CHST1: variants seen among roughly 807,000 people sequenced by gnomAD.
The protein encoded by CHST1 is carbohydrate sulfotransferase 1.
A neutral mutation model predicts 22.5 loss-of-function variants in CHST1; 10 were observed. That is an observed-to-expected ratio of 0.44 (90% CI 0.27 to 0.75). CHST1 has a LOEUF of 0.75. CHST1 is among the 30% of genes least tolerant of loss of function. CHST1 has a pLI of 0.15. For synonymous variants in CHST1, 267 were observed against 264.5 expected (o/e 1.01, Z -0.09); for missense variants, 439 against 576.1 (o/e 0.76, Z 2.44).
At chr11:45,651,402 T>C (rs1219325688) in intron 3 of CHST1, 1 of 153,890 alleles carries the variant, frequency 6.5e-6, no homozygotes, top group Non-Finnish European at 1.4e-5. Context: ...CCTCTGCCCA[T>C]CCCTAGGGGA....
At position 45,661,472 on chromosome 11, in the gene CHST1, T is replaced by C. The variant is rs191003266; in HGVS notation, c.-227+3706A>G. On this transcript the variant is annotated intron_variant, in intron 1 of 3. Coordinates refer to ENST00000308064, the MANE Select transcript of CHST1 (RefSeq NM_003654.6). ...GAGAGACCTGCCGGGGGTAGAACCT[T>C]GGCAGGAACCGGAGAGCTGGCAAGG... Among the ~76,000 whole-genome samples the C allele has an allele frequency of 9.8e-5, 15 of 152,310 alleles. No individual in the cohort carries two copies. In the East Asian group the frequency reaches 2.3e-3, roughly 23 times the overall value.
intron 1 of CHST1, among the ~76,000 whole-genome samples, chr11:45,658,582 G>T (rs113338633): frequency 8.4e-4 from 128 of 152,214 alleles, no homozygotes; most frequent in African/African-American, 2.9e-3. Context: ...GTGGTCCCAG[G>T]CCCGACCTGA....
At chr11:45,655,633 G>A (rs970432178) in intron 1 of CHST1, among the ~76,000 whole-genome samples, 18 of 152,234 alleles carry the variant, frequency 1.2e-4, no homozygotes, top group Non-Finnish European at 2.6e-4. Flanking sequence ...GCCGCACCGG[G>A]AGAGCCCAGC....
intron 1 of CHST1, among the ~76,000 whole-genome samples, chr11:45,662,177 G>A (rs897636059): frequency 3.3e-5 from 5 of 152,208 alleles, no homozygotes; most frequent in Admixed American, 2.0e-4. Flanking sequence ...ATCAGGGACA[G>A]TGGCCTGCCC....
In CHST1 at chr11:45,649,943, G is replaced by T. The variant is rs1187230633; in HGVS notation, c.981C>A (p.His327Gln). The T allele has an allele frequency of 1.2e-6, 2 of 1,613,358 alleles. No homozygotes were observed. The highest frequency in any genetic ancestry group is 1.7e-6 in the Non-Finnish European group (2 of 1,180,022). The change falls in exon 4 of 4, where the codon CAC becomes CAA. Residue 327 changes from histidine to glutamine, a missense_variant. His to Gln is a conservative substitution (Grantham distance 24, BLOSUM62 0). Coordinates refer to ENST00000308064, the MANE Select transcript of CHST1 (RefSeq NM_003654.6). The stretch of plus-strand genomic sequence containing the variant: ...TGTTGTTCTGGATCCAGCGGGCCAC[G>T]TGGCTGTCCAGCGGGATGCCCAGGA... Reference protein sequence around the residue: ...YGFLGIPLDSHVARWIQNNTR... With the variant: ...YGFLGIPLDSQVARWIQNNTR...
Position 45,648,338 on chromosome 11 carries a change from C to G in CHST1, c.*1350G>C, listed in dbSNP as rs1851942649. ...AGCAAGCCATACCACTTGTTAAAGACTTTGAACATTATCCCTGGCTATAAG... is the reference window on the plus strand; with the variant it reads ...AGCAAGCCATACCACTTGTTAAAGAGTTTGAACATTATCCCTGGCTATAAG... On this transcript the variant is annotated 3_prime_UTR_variant, in exon 4 of 4. Coordinates refer to ENST00000308064, the MANE Select transcript of CHST1 (RefSeq NM_003654.6). 6.6e-6 allele frequency among the ~76,000 whole-genome samples: 1 copy of G among 150,980 alleles called. No individual in the cohort carries two copies. Among genetic ancestry groups the G allele is most frequent in the Non-Finnish European group, 1.5e-5 (1 of 67,788 alleles).
In CHST1 at chr11:45,650,350, C is replaced by T. The variant is rs147129669; in HGVS notation, c.574G>A (p.Val192Met). The T allele has an allele frequency of 3.1e-6, 5 of 1,603,370 alleles. No homozygotes were observed. Among genetic ancestry groups the T allele is most frequent in the Admixed American group, 1.7e-5 (1 of 59,994 alleles). The change falls in exon 4 of 4, where the codon GTG (valine) becomes ATG (methionine). Residue 192 changes from valine (V) to methionine (M), a missense_variant. Physicochemically the swap from Val to Met is conservative, Grantham distance 21. Coordinates refer to ENST00000308064, the MANE Select transcript of CHST1 (RefSeq NM_003654.6). ...VRKCGLLNLT[V>M]AAEACRERSH... The stretch of plus-strand genomic sequence containing the variant: ...CGCTCGCGGCACGCCTCGGCCGCCA[C>T]GGTCAGGTTGAGTAGCCCGCACTTG...
At position 45,659,158 on chromosome 11, in the gene CHST1, C is replaced by G. The variant is rs530524864; in HGVS notation, c.-227+6020G>C. Among the ~76,000 whole-genome samples the G allele has an allele frequency of 5.0e-4, 76 of 152,302 alleles. No individual in the cohort carries two copies. In the Middle Eastern group the frequency reaches 0.02, roughly 41 times the overall value. The stretch of plus-strand genomic sequence containing the variant: ...CTGTCAGGGGATGCATCCCACAGGC[C>G]AGGGGCTACTGCCACCTTTCACAGA... On this transcript the variant is annotated intron_variant, in intron 1 of 3. Transcript: ENST00000308064.
At chr11:45,656,899 G>C (rs901658696) in intron 1 of CHST1, among the ~76,000 whole-genome samples, 1 of 152,190 alleles carries the variant, frequency 6.6e-6, no homozygotes, top group African/African-American at 2.4e-5. Flanking sequence ...CTGGATTTCA[G>C]AGGGGGCCTG....
At position 45,649,832 on chromosome 11, in the gene CHST1, G is replaced by A. The variant is rs1014807759; in HGVS notation, c.1092C>T (p.Leu364=). 6.2e-7 allele frequency: 1 copy of A among 1,611,438 alleles called. No homozygotes were observed. ...GGGCAAAGGCCACGATGTCGTAGGA[G>A]AGGCGGAAGCGCCACTTCTCGGCCG... is the stretch of plus-strand genomic sequence containing the variant. ...AATAEKWRFR[L]SYDIVAFAQN... is the part of the protein sequence containing the mutation. Residue 364 remains leucine (L), a synonymous_variant, in exon 4 of 4, where the codon CTC becomes CTT. Transcript: ENST00000308064.
Position 45,665,379 on chromosome 11 carries a change from C to G in CHST1, c.-428G>C, listed in dbSNP as rs1291954668. ...CGCGCGCGCCTCACGGGCCCCTCTT[C>G]ATGGCCCGGGGGCGCGAGCCCGGGG... is the stretch of plus-strand genomic sequence containing the variant. On this transcript the variant is annotated 5_prime_UTR_variant, in exon 1 of 4. It removes an upstream start codon present in the reference 5' UTR. Transcript: ENST00000308064. The surrounding 1 kb of genome is among the most constrained non-coding windows in gnomAD (Gnocchi z 4.0). 1 of 151,732 alleles carries G rather than the reference C, an allele frequency of 6.6e-6. No homozygotes were observed. The highest frequency in any genetic ancestry group is 1.5e-5 in the Non-Finnish European group (1 of 67,876). 9.4% of individuals were successfully genotyped at this position (151,732 alleles called of 1,614,324 possible).
At chr11:45,662,228 CTG>C (rs1254359837) in intron 1 of CHST1, among the ~76,000 whole-genome samples, 1 of 152,170 alleles carries the variant, frequency 6.6e-6, no homozygotes, top group African/African-American at 2.4e-5. Context: ...GCCACCATCT[CTG>C]CCTGGACCTC....
intron 1 of CHST1, among the ~76,000 whole-genome samples, chr11:45,654,526 G>C (rs572715163): frequency 1.3e-5 from 2 of 152,342 alleles, no homozygotes; most frequent in South Asian, 4.1e-4. Flanking sequence ...TATGCTAAAG[G>C]CATCTGCCCT....
Position 45,650,093 on chromosome 11 carries a change from C to T in CHST1, c.831G>A (p.Glu277=). The T allele has an allele frequency of 1.2e-6, 2 of 1,614,092 alleles. No individual in the cohort carries two copies. Among genetic ancestry groups the T allele is most frequent in the Non-Finnish European group, 1.7e-6 (2 of 1,180,030 alleles). The change falls in exon 4 of 4, where the codon GAG becomes GAA. Residue 277 remains glutamate, a synonymous_variant. Transcript: ENST00000308064. The part of the protein sequence containing the change: ...LDVTQLTTVC[E]DFSNSVSTGL... ...CGGTGGACACGGAGTTGGAGAAGTC[C>T]TCGCACACCGTGGTCAGCTGCGTCA...
At chr11:45,651,693 G>A (rs1236704512) in intron 3 of CHST1, 1 of 152,322 alleles carries the variant, frequency 6.6e-6, no homozygotes, top group East Asian at 1.9e-4. Context: ...CTAGGGACAA[G>A]GGTCCAGGCC....
At chr11:45,664,700 G>A (rs1338778304) in intron 1 of CHST1, among the ~76,000 whole-genome samples, 3 of 152,228 alleles carry the variant, frequency 2.0e-5, no homozygotes, top group East Asian at 1.9e-4. Context: ...AGCGGTCTGG[G>A]TGCGGAGGCC....
chr11:45,662,096 T>A (rs937261295), intron 1 of CHST1, among the ~76,000 whole-genome samples: 4 of 152,140 alleles, frequency 2.6e-5, no homozygotes, highest in Admixed American at 6.5e-5. Flanking sequence ...TCTGAAGAGC[T>A]CCCTGTCCCT....
At chr11:45,653,465 A>G (rs868549529) in intron 1 of CHST1, among the ~76,000 whole-genome samples, 17 of 152,256 alleles carry the variant, frequency 1.1e-4, no homozygotes, top group Middle Eastern at 3.4e-3. Context: ...GTGGCAGAGG[A>G]TGCTGGCCTC....
At position 45,647,989 on chromosome 11, in the gene CHST1, A is replaced by G. The variant is rs1851938524; in HGVS notation, c.*1699T>C. On this transcript the variant is annotated 3_prime_UTR_variant, in exon 4 of 4. Transcript: ENST00000308064. ...TTTGTCCCAGGACAACAAAGCTGTG[A>G]CCTGCAGCCACCCCAGGGGCAGGTT... Among the ~76,000 whole-genome samples the G allele has an allele frequency of 6.6e-6, 1 of 152,148 alleles. No homozygotes were observed. The highest frequency in any genetic ancestry group is 1.5e-5 in the Non-Finnish European group (1 of 68,030).
Sources: gnomAD v4.1 joint callset for allele counts (sites outside exome capture counted in the v4.1 genomes callset) on GRCh38, gnomAD v4.1.1 for gene constraint, Gnocchi (gnomAD v3.1) non-coding constraint, MANE v1.5 for transcripts, NCBI Gene and HGNC (gene_info 2026-07-23, HGNC 2026-07-21) for gene names.